The following SPDYA variants were observed in gnomAD, a reference collection of about 807,000 sequenced individuals.
SPDYA encodes the protein speedy/RINGO cell cycle regulator family member A.
In SPDYA, 11 loss-of-function variants were observed where a neutral mutation model predicts 36.7. The observed-to-expected ratio is 0.30, with a 90% confidence interval of 0.19 to 0.50. The LOEUF is 0.50. Among genes scored for constraint, SPDYA ranks in the 20% least tolerant of loss-of-function variants. The pLI, the probability that SPDYA is intolerant of heterozygous loss-of-function variation, is 0.98. For synonymous variants in SPDYA, 115 were observed against 118.7 expected (o/e 0.97, Z 0.20); for missense variants, 287 against 370.9 (o/e 0.77, Z 1.86).
chr2:28,821,197 C>CTTTT (rs11464702), intron 4 of SPDYA, among the ~76,000 whole-genome samples: 349 of 98,436 alleles, frequency 3.5e-3, no homozygotes, highest in Non-Finnish European at 4.5e-3. Flanking sequence ...TTTTCTTTTT[C>CTTTT]TTTTTTTTTT....
chr2:28,818,859 T>C (rs1284463714), intron 3 of SPDYA, among the ~76,000 whole-genome samples, 189 bp from the exon 4 acceptor site: 1 of 152,228 alleles, frequency 6.6e-6, no homozygotes, highest in East Asian at 1.9e-4. Context: ...GATAAAGCAG[T>C]AGTTTTTCGT....
At chr2:28,840,687 G>C in intron 7 of SPDYA, 1 of 1,288,712 alleles carries the variant, frequency 7.8e-7, no homozygotes, top group Non-Finnish European at 9.8e-7. Context: ...CCTATGTTAA[G>C]TTGAAAACTA....
chr2:28,840,525 A>G (rs768722439), intron 7 of SPDYA, 56 bp downstream of exon 7: 100 of 1,571,894 alleles, frequency 6.4e-5, no homozygotes, highest in Non-Finnish European at 7.9e-5. Context: ...ACTGAGCTCT[A>G]GTCAGTCCTT....
intron 5 of SPDYA, among the ~76,000 whole-genome samples, chr2:28,827,567 G>A (rs1558325818): frequency 6.6e-6 from 1 of 152,010 alleles, no homozygotes; most frequent in Non-Finnish European, 1.5e-5. Flanking sequence ...TTCTTGGAAA[G>A]TCATCTGTGA....
In SPDYA at chr2:28,821,689, C is replaced by T. The variant is rs138696949; in HGVS notation, c.295-636C>T. 4.0e-3 allele frequency among the ~76,000 whole-genome samples: 611 copies of T among 152,192 alleles called. 4 individuals are homozygous for T. The highest frequency in any genetic ancestry group is 6.4e-3 in the Non-Finnish European group (436 of 68,006). On this transcript the variant is annotated intron_variant, in intron 4 of 7. Transcript: ENST00000334056. ...TACAATAGGATGAATAAATGTCTTACGAGAGATAATCTGATACATTATTAT... is the reference window on the plus strand; with the variant it reads ...TACAATAGGATGAATAAATGTCTTATGAGAGATAATCTGATACATTATTAT...
chr2:28,826,161 G>C (rs548595632), intron 5 of SPDYA, among the ~76,000 whole-genome samples: 4 of 151,792 alleles, frequency 2.6e-5, no homozygotes, highest in African/African-American at 7.2e-5. Flanking sequence ...TTTTGAGATG[G>C]AGTCTTGCTC....
chr2:28,830,002 GGT>G (rs1278443123), intron 6 of SPDYA, among the ~76,000 whole-genome samples: 2 of 150,012 alleles, frequency 1.3e-5, no homozygotes, highest in African/African-American at 4.9e-5. Flanking sequence ...AACCAAATGT[GGT>G]GGCTGGTGCC....
chr2:28,843,545 C>T (rs1331117274), intron 7 of SPDYA, among the ~76,000 whole-genome samples: 1 of 121,080 alleles, frequency 8.3e-6, no homozygotes, highest in African/African-American at 3.0e-5. Flanking sequence ...AGCAAAACTT[C>T]GTCTCAAAAA....
chr2:28,820,757 G>C (rs922568034), intron 4 of SPDYA, among the ~76,000 whole-genome samples: 3 of 152,138 alleles, frequency 2.0e-5, no homozygotes, highest in Non-Finnish European at 4.4e-5. Context: ...CAACAGTAAA[G>C]GGAATGAGTG....
At chr2:28,816,829 T>C (rs963844611) in intron 3 of SPDYA, among the ~76,000 whole-genome samples, 5 of 151,938 alleles carry the variant, frequency 3.3e-5, no homozygotes, top group Non-Finnish European at 5.9e-5. Flanking sequence ...AACTTCTTTA[T>C]AGTACTGTAC....
At chr2:28,847,179 CT>C (rs1668898447) in intron 7 of SPDYA, among the ~76,000 whole-genome samples, 2 of 151,512 alleles carry the variant, frequency 1.3e-5, no homozygotes, top group South Asian at 4.2e-4. Context: ...CCTATCTCTA[CT>C]AAAAATACAA....
At chr2:28,828,596 T>C (rs1668393139) in intron 5 of SPDYA, among the ~76,000 whole-genome samples, 1 of 152,262 alleles carries the variant, frequency 6.6e-6, no homozygotes, top group Admixed American at 6.5e-5. Flanking sequence ...CATGTTTTCC[T>C]GCTTCTGTGC....
Position 28,829,129 on chromosome 2 carries a change from T to C in SPDYA, c.381-19T>C. 6.2e-7 allele frequency: 1 copy of C among 1,600,152 alleles called. No individual in the cohort carries two copies. ...GTCCTTTACCCATTTCTTTTTTGGGTTGTGATCTTCTTTGTTAGGTATCTG... is the reference window on the plus strand; with the variant it reads ...GTCCTTTACCCATTTCTTTTTTGGGCTGTGATCTTCTTTGTTAGGTATCTG... On this transcript the variant is annotated intron_variant, in intron 5 of 7. Transcript: ENST00000334056.
At chr2:28,825,768 C>T (rs1490269529) in intron 5 of SPDYA, among the ~76,000 whole-genome samples, 2 of 151,888 alleles carry the variant, frequency 1.3e-5, no homozygotes, top group East Asian at 1.9e-4. Context: ...GACAGGGTCT[C>T]ACTCTGTCAC....
Position 28,849,998 on chromosome 2 carries a change from A to C in SPDYA, c.*57A>C. Reference sequence around the variant, plus strand: ...AACTACAAAATGTCAAACTAACTGCAAGACAAGTGTCAAAATGGGATGTTT... The same window carrying C: ...AACTACAAAATGTCAAACTAACTGCCAGACAAGTGTCAAAATGGGATGTTT... On this transcript the variant is annotated 3_prime_UTR_variant, in exon 8 of 8. Coordinates refer to ENST00000334056, the MANE Select transcript of SPDYA (RefSeq NM_182756.4). The C allele has an allele frequency of 7.3e-7, 1 of 1,375,306 alleles. No individual in the cohort carries two copies. The highest frequency in any genetic ancestry group is 1.0e-6 in the Non-Finnish European group (1 of 984,836). 85.2% of individuals were successfully genotyped at this position (1,375,306 alleles called of 1,614,324 possible).
At chr2:28,845,553 T>C (rs1334758942) in intron 7 of SPDYA, among the ~76,000 whole-genome samples, 3 of 152,226 alleles carry the variant, frequency 2.0e-5, no homozygotes. Flanking sequence ...TGTTTCTTTC[T>C]TTGTTTGTTT....
chr2:28,826,368 C>T (rs1411986198), intron 5 of SPDYA, among the ~76,000 whole-genome samples: 1 of 152,026 alleles, frequency 6.6e-6, no homozygotes, highest in Non-Finnish European at 1.5e-5. Context: ...AACTCCTGAC[C>T]TCAGGTAATC....
chr2:28,815,215 G>T (rs1292832974), intron 2 of SPDYA, among the ~76,000 whole-genome samples: 1 of 151,614 alleles, frequency 6.6e-6, no homozygotes, highest in Admixed American at 6.6e-5. Context: ...CCAGGAGGTC[G>T]AGGCTGCAGT....
intron 1 of SPDYA, among the ~76,000 whole-genome samples, chr2:28,812,141 C>A (rs1667861968): frequency 6.6e-6 from 1 of 152,112 alleles, no homozygotes; most frequent in African/African-American, 2.4e-5. Context: ...CCTCAAATTT[C>A]TTATCTAGAA....
Sources: allele counts gnomAD v4.1 joint callset (sites outside exome capture counted in the v4.1 genomes callset), GRCh38; gene constraint gnomAD v4.1.1; transcripts MANE v1.5; gene names NCBI Gene and HGNC (gene_info 2026-07-23, HGNC 2026-07-21).